The following PLEK2 variants were observed in gnomAD, a reference collection of about 807,000 sequenced individuals.
PLEK2 encodes pleckstrin-2.
Under a neutral mutation model 43.8 loss-of-function variants are expected in PLEK2, and 29 were observed. That is an observed-to-expected ratio of 0.66 (90% CI 0.49 to 0.90). The LOEUF (loss-of-function observed/expected upper bound fraction) is 0.90, where lower values mean the gene tolerates loss of function less well. Among genes scored for constraint, PLEK2 ranks in the 40% least tolerant of loss-of-function variants. The probability of loss-of-function intolerance (pLI) is 0.00; values close to 1 mark genes in which losing one functional copy is unlikely to be tolerated. For synonymous variants in PLEK2, 162 were observed against 173.2 expected (o/e 0.94, Z 0.51); for missense variants, 398 against 448.1 (o/e 0.89, Z 1.01).
At chr14:67,393,276 T>G in intron 3 of PLEK2, 35 bp from the exon 4 acceptor site, 1 of 1,463,860 alleles carries the variant, frequency 6.8e-7, no homozygotes, top group Non-Finnish European at 9.6e-7. Flanking sequence ...GAGGGAACCC[T>G]CATCACGCGG....
In PLEK2 at chr14:67,387,307, TC is replaced by T; in HGVS notation, c.*21del. ...TGTGTCATCTGGTAGGAGGGAGGAA[TC>T]CTGGTTCCCTCAGGTCCTTGTCATG... is the stretch of plus-strand genomic sequence containing the variant. On this transcript the variant is annotated 3_prime_UTR_variant, in exon 9 of 9. Coordinates refer to ENST00000216446, the MANE Select transcript of PLEK2 (RefSeq NM_016445.3). 2 of 1,598,586 alleles carry T rather than the reference TC, an allele frequency of 1.3e-6. No individual in the cohort carries two copies. Among genetic ancestry groups the T allele is most frequent in the Middle Eastern group, 1.7e-4 (1 of 6,014 alleles).
rs2086020298 is a variant in PLEK2, at chr14:67,397,690, CAGG to C, written c.176_178del (p.Thr59_Cys60delinsSer). ...TCGGTTTTCATACTCCAGGCAGGGGCAGGTGATGGTGCAGCCATCCAGGAGGAT... is the reference window on the plus strand; with the variant it reads ...TCGGTTTTCATACTCCAGGCAGGGGCTGATGGTGCAGCCATCCAGGAGGAT... On this transcript the variant is annotated inframe_deletion, in exon 2 of 9. Coordinates refer to ENST00000216446, the MANE Select transcript of PLEK2 (RefSeq NM_016445.3). The C allele has an allele frequency of 6.2e-7, 1 of 1,612,990 alleles. No homozygotes were observed. The highest frequency in any genetic ancestry group is 8.5e-7 in the Non-Finnish European group (1 of 1,179,542).
At chr14:67,408,609 A>G (rs904521719) in intron 1 of PLEK2, among the ~76,000 whole-genome samples, 2 of 152,148 alleles carry the variant, frequency 1.3e-5, no homozygotes, top group Non-Finnish European at 2.9e-5. Flanking sequence ...TGGTCACGTG[A>G]CAACAGAGAC....
intron 6 of PLEK2, among the ~76,000 whole-genome samples, chr14:67,391,638 T>C (rs1372033141): frequency 6.6e-6 from 1 of 152,236 alleles, no homozygotes; most frequent in Admixed American, 6.5e-5. Flanking sequence ...TCACATGGTA[T>C]ACAATATGTG....
chr14:67,397,628 AGAGAG>A, intron 2 of PLEK2, 29 bp downstream of exon 2: 1 of 1,574,540 alleles, frequency 6.4e-7, no homozygotes, highest in Non-Finnish European at 8.7e-7. Flanking sequence ...GCTGTGGAAC[AGAGAG>A]GAGCTGGACA....
At chr14:67,401,843 G>A (rs1301749965) in intron 1 of PLEK2, among the ~76,000 whole-genome samples, 1 of 152,190 alleles carries the variant, frequency 6.6e-6, no homozygotes, top group Admixed American at 6.5e-5. Context: ...TACAAATACA[G>A]GCCGGCGCGG....
chr14:67,393,141 C>A lies in PLEK2; in HGVS notation c.481+9G>T. 2 of 1,599,812 alleles carry A rather than the reference C, an allele frequency of 1.3e-6. No individual in the cohort carries two copies. The highest frequency in any genetic ancestry group is 2.2e-5 in the South Asian group (2 of 90,824). On this transcript the variant is annotated intron_variant, in intron 4 of 8. Coordinates refer to ENST00000216446, the MANE Select transcript of PLEK2 (RefSeq NM_016445.3). ...GACTGCCCAGCCCGGCCCTGGGGGACAGGCTCACCGAGGAAGGTCTTTTTA... is the reference window on the plus strand; with the variant it reads ...GACTGCCCAGCCCGGCCCTGGGGGAAAGGCTCACCGAGGAAGGTCTTTTTA...
chr14:67,404,203 T>C (rs918006356), intron 1 of PLEK2, among the ~76,000 whole-genome samples: 2 of 152,146 alleles, frequency 1.3e-5, no homozygotes, highest in African/African-American at 4.8e-5. Context: ...GTGCAAGAAT[T>C]CCAATCCTAA....
rs745798373 is a variant in PLEK2, at chr14:67,387,401, T to A, written c.990A>T (p.Thr330=). 51 of 1,610,450 alleles carry A rather than the reference T, an allele frequency of 3.2e-5. No individual in the cohort carries two copies. The highest frequency in any genetic ancestry group is 5.1e-5 in the Admixed American group (3 of 59,384). ...NLFKVITKDD[T]HYYIQASSKA... is the part of the protein sequence containing the mutation. ...TGCTGCTGGCCTGAATGTAATAGTG[T>A]GTGTCATCCTTAGTAATCACTTTGA... is the stretch of plus-strand genomic sequence containing the variant. Residue 330 remains threonine, a synonymous_variant, in exon 9 of 9, where the codon ACA becomes ACT. Coordinates refer to ENST00000216446, the MANE Select transcript of PLEK2 (RefSeq NM_016445.3).
chr14:67,395,680 G>A (rs117607358), intron 2 of PLEK2, 97 bp from the exon 3 acceptor site: 12,614 of 917,278 alleles, frequency 0.014, 127 homozygotes, highest in Non-Finnish European at 0.017. Flanking sequence ...CTAGGTGACA[G>A]TGACTGCCAA....
At chr14:67,391,268 G>GGT (rs2085964723) in intron 6 of PLEK2, among the ~76,000 whole-genome samples, 17 of 141,486 alleles carry the variant, frequency 1.2e-4, no homozygotes, top group Admixed American at 1.1e-3. Flanking sequence ...GTAAGCAGCT[G>GGT]ATATGTGTGT....
chr14:67,411,923 A>T, intron 1 of PLEK2, 95 bp downstream of exon 1: 1 of 1,169,318 alleles, frequency 8.6e-7, no homozygotes, highest in Non-Finnish European at 1.2e-6. Flanking sequence ...GAACCAGAGC[A>T]TGCCCGTTCC....
rs549646423 is a variant in PLEK2 at position 67,409,500 on chromosome 14, A to T, written c.42+2518T>A. Among the ~76,000 whole-genome samples, 260 of 152,332 alleles carry T rather than the reference A, an allele frequency of 1.7e-3. 2 individuals are homozygous for T. The highest frequency in any genetic ancestry group is 6.2e-3 in the African/African-American group (257 of 41,570). ...CAGAGCATGTTCACATTGCAATGTT[A>T]TTCACAATATGAGCCCAGCAGGAAC... On this transcript the variant is annotated intron_variant, in intron 1 of 8. Transcript: ENST00000216446.
Position 67,397,734 on chromosome 14 carries a change from G to C in PLEK2, c.135C>G (p.Thr45=). The change falls in exon 2 of 9, where the codon ACC becomes ACG. Residue 45 remains threonine, a synonymous_variant. Coordinates refer to ENST00000216446, the MANE Select transcript of PLEK2 (RefSeq NM_016445.3). ...YYKLEGGRRV[T]PPKGRILLDG... Reference sequence around the variant, plus strand: ...CCAGGAGGATCCGGCCCTTGGGAGGGGTCACTCTCCGACCCCCCTCAAGCT... The same window carrying C: ...CCAGGAGGATCCGGCCCTTGGGAGGCGTCACTCTCCGACCCCCCTCAAGCT... The C allele has an allele frequency of 6.2e-7, 1 of 1,613,432 alleles. No individual in the cohort carries two copies. Among genetic ancestry groups the C allele is most frequent in the South Asian group, 1.1e-5 (1 of 90,864 alleles).
In PLEK2 at chr14:67,392,681, G is replaced by C. The variant is rs139783690; in HGVS notation, c.650C>G (p.Ser217Cys). Residue 217 changes from serine (S) to cysteine (C), a missense_variant, in exon 5 of 9, where the codon TCC (serine) becomes TGC (cysteine). Transcript: ENST00000216446. Reference protein sequence around the residue: ...GDLAEQFLDDSTALYTFAESY... With the variant: ...GDLAEQFLDDCTALYTFAESY... ...ACTTACAAAAGTGTACAGGGCTGTG[G>C]AGTCATCCAGGAACTGCTCGGCCAG... is the stretch of plus-strand genomic sequence containing the variant. 1.1e-3 allele frequency: 1,765 copies of C among 1,614,042 alleles called. 33 individuals carry two copies. The East Asian group carries it at 0.032, about 29-fold the overall frequency.
chr14:67,400,762 A>G (rs2139875546), intron 1 of PLEK2, among the ~76,000 whole-genome samples: 1 of 152,216 alleles, frequency 6.6e-6, no homozygotes, highest in South Asian at 2.1e-4. Flanking sequence ...CCAAGGTAGG[A>G]GGATCACTTG....
intron 1 of PLEK2, among the ~76,000 whole-genome samples, chr14:67,411,078 T>G (rs2086112230): frequency 7.0e-6 from 1 of 142,410 alleles, no homozygotes; most frequent in Admixed American, 7.7e-5. Flanking sequence ...GCCTGGGAAG[T>G]CGAGGCTGTG....
At chr14:67,408,303 A>AT (rs1444798108) in intron 1 of PLEK2, among the ~76,000 whole-genome samples, 1 of 76,406 alleles carries the variant, frequency 1.3e-5, no homozygotes, top group Non-Finnish European at 3.3e-5. Flanking sequence ...AATAAATAAA[A>AT]TAAAATAAAA....
chr14:67,392,669 T>A lies in PLEK2; in HGVS notation c.662A>T (p.Tyr221Phe). ...ACCCACTCCCCAACTTACAAAAGTGTACAGGGCTGTGGAGTCATCCAGGAA... is the reference window on the plus strand; with the variant it reads ...ACCCACTCCCCAACTTACAAAAGTGAACAGGGCTGTGGAGTCATCCAGGAA... Reference protein sequence around the residue: ...EQFLDDSTALYTFAESYKKKI... With the variant: ...EQFLDDSTALFTFAESYKKKI... Residue 221 changes from tyrosine (Y) to phenylalanine (F), a missense_variant, in exon 5 of 9, where the codon TAC becomes TTC. Tyr to Phe is a conservative substitution (Grantham distance 22). Coordinates refer to ENST00000216446, the MANE Select transcript of PLEK2 (RefSeq NM_016445.3). 1 of 1,613,320 alleles carries A rather than the reference T, an allele frequency of 6.2e-7. No individual in the cohort carries two copies. Among genetic ancestry groups the A allele is most frequent in the Non-Finnish European group, 8.5e-7 (1 of 1,179,430 alleles).
Sources: gnomAD v4.1 joint callset for allele counts (sites outside exome capture counted in the v4.1 genomes callset) on GRCh38, gnomAD v4.1.1 for gene constraint, MANE v1.5 for transcripts, NCBI Gene and HGNC (gene_info 2026-07-23, HGNC 2026-07-21) for gene names.